The following MIER1 variants were observed in gnomAD, a reference collection of about 807,000 sequenced individuals.
The protein encoded by MIER1 is mesoderm induction early response protein 1.
A neutral mutation model predicts 75.7 loss-of-function variants in MIER1; 40 were observed. That is an observed-to-expected ratio of 0.53 (90% CI 0.41 to 0.69). The LOEUF (loss-of-function observed/expected upper bound fraction) is 0.69, where lower values mean the gene tolerates loss of function less well. MIER1 is among the 30% of genes least tolerant of loss of function. The pLI is 0.00. For synonymous variants in MIER1, 213 were observed against 223.4 expected (o/e 0.95, Z 0.42); for missense variants, 574 against 680.2 (o/e 0.84, Z 1.74).
chr1:66,925,473 C>T (rs1651401534), intron 1 of MIER1: 1 of 985,350 alleles, frequency 1.0e-6, no homozygotes, highest in Admixed American at 6.1e-5. Flanking sequence ...CCTCTTTCTC[C>T]TGTATTTCCC....
chr1:66,943,550 T>C (rs1241249016), intron 3 of MIER1, among the ~76,000 whole-genome samples: 2 of 152,118 alleles, frequency 1.3e-5, no homozygotes, highest in Admixed American at 1.3e-4. Context: ...TTTCGTTTAG[T>C]TTTGTTTCCT....
At chr1:66,939,589 C>G (rs1655692323) in intron 2 of MIER1, among the ~76,000 whole-genome samples, 1 of 152,104 alleles carries the variant, frequency 6.6e-6, no homozygotes, top group South Asian at 2.1e-4. Context: ...GAGATAGTGT[C>G]CTAAATTGTT....
At chr1:66,926,579 C>G (rs1364220615) in intron 2 of MIER1, among the ~76,000 whole-genome samples, 1 of 152,158 alleles carries the variant, frequency 6.6e-6, no homozygotes, top group African/African-American at 2.4e-5. Flanking sequence ...CTGATTGTCA[C>G]TATAGATGTG....
At position 66,986,241 on chromosome 1, in the gene MIER1, G is replaced by A; in HGVS notation, c.*1341G>A. The A allele has an allele frequency of 1.5e-6, 2 of 1,342,278 alleles. No individual in the cohort carries two copies. Among genetic ancestry groups the A allele is most frequent in the Admixed American group, 6.7e-5 (2 of 30,062 alleles). The allele number at this position is 1,342,278 out of a possible 1,614,324, so 83.1% of individuals were successfully genotyped here. On this transcript the variant is annotated 3_prime_UTR_variant, in exon 14 of 14. Transcript: ENST00000401041. The stretch of plus-strand genomic sequence containing the variant: ...TAAGATACACAATAATCATTGCTCT[G>A]TGTGATTACAGATAGGATTATCCAT...
intron 4 of MIER1, among the ~76,000 whole-genome samples, chr1:66,954,975 C>A (rs2101645628): frequency 6.6e-6 from 1 of 152,270 alleles, no homozygotes; most frequent in South Asian, 2.1e-4. Flanking sequence ...TCCCAAAGTG[C>A]TGGGATTACA....
chr1:66,925,149 G>A, intron 1 of MIER1, 54 bp downstream of exon 1: 2 of 1,537,404 alleles, frequency 1.3e-6, no homozygotes. Context: ...TTTGGGATGA[G>A]GGGCTCCTGA....
At chr1:66,929,131 TC>T (rs1159357676) in intron 2 of MIER1, 4 of 653,758 alleles carry the variant, frequency 6.1e-6, no homozygotes, top group Non-Finnish European at 1.1e-5. Context: ...TTTAATAGCC[TC>T]CCCTATATTG....
intron 5 of MIER1, 131 bp from the exon 6 acceptor site, chr1:66,958,720 G>C (rs1457201963): frequency 1.1e-5 from 7 of 656,016 alleles, no homozygotes; most frequent in Non-Finnish European, 1.5e-5. Context: ...AACCAACCCA[G>C]AGGATGATAC....
chr1:66,946,777 A>G (rs563657616), intron 4 of MIER1: 1 of 985,376 alleles, frequency 1.0e-6, no homozygotes, highest in Admixed American at 6.1e-5. Flanking sequence ...TCCTTGTTAC[A>G]TCCATTTTTA....
In MIER1 at chr1:66,946,217, T is replaced by C; in HGVS notation, c.261T>C (p.Asp87=). ...PSADMLVHDF[D]DERTLEEEEM... ...CTGACATGCTGGTTCATGATTTTGA[T>C]GATGAACGAACATTAGAAGAGGAAG... Residue 87 remains aspartate, a synonymous_variant, in exon 4 of 14, where the codon GAT becomes GAC. Coordinates refer to ENST00000401041, the MANE Select transcript of MIER1 (RefSeq NM_001077700.3). 1 of 1,612,290 alleles carries C rather than the reference T, an allele frequency of 6.2e-7. No individual in the cohort carries two copies. Among genetic ancestry groups the C allele is most frequent in the Non-Finnish European group, 8.5e-7 (1 of 1,179,632 alleles).
In MIER1 at chr1:66,926,202, A is replaced by G. The variant is rs769347989; in HGVS notation, c.128A>G (p.Asn43Ser). The G allele has an allele frequency of 1.9e-6, 3 of 1,613,892 alleles. No homozygotes were observed. The highest frequency in any genetic ancestry group is 1.1e-5 in the South Asian group (1 of 91,076). ...GAGTTTCGGACGTGGTTAAGAACCA[A>G]CTGGTTGAGGTTCAATGCAGACAAG... The part of the protein sequence containing the change: ...LAEFRTWLRT[N>S]WLRFNADKTD... The change falls in exon 2 of 14, where the codon AAC becomes AGC. Residue 43 changes from asparagine (N) to serine (S), a missense_variant. Physicochemically the swap from Asn to Ser is conservative, Grantham distance 46 (BLOSUM62 1). Coordinates refer to ENST00000401041, the MANE Select transcript of MIER1 (RefSeq NM_001077700.3).
At chr1:66,937,499 C>T (rs1327455078) in intron 2 of MIER1, among the ~76,000 whole-genome samples, 1 of 151,950 alleles carries the variant, frequency 6.6e-6, no homozygotes, top group African/African-American at 2.4e-5. Context: ...GCAGGAGAAT[C>T]GATTGAATCT....
At chr1:66,983,301 G>A (rs192762219) in intron 13 of MIER1, among the ~76,000 whole-genome samples, 236 of 152,158 alleles carry the variant, frequency 1.6e-3, no homozygotes, top group African/African-American at 5.3e-3. Context: ...CTACAGAATT[G>A]TTCTCTTCAA....
At chr1:66,982,727 AC>A (rs1246120746) in intron 13 of MIER1, among the ~76,000 whole-genome samples, 2 of 152,162 alleles carry the variant, frequency 1.3e-5, no homozygotes, top group Non-Finnish European at 2.9e-5. Context: ...TCCTCTTCTG[AC>A]CTTTGGTCTC....
intron 12 of MIER1, among the ~76,000 whole-genome samples, chr1:66,978,520 T>G (rs1201366943): frequency 6.6e-6 from 1 of 152,200 alleles, no homozygotes; most frequent in Non-Finnish European, 1.5e-5. Flanking sequence ...TAGTTAATTT[T>G]TTTTCCATTG....
At chr1:66,951,461 C>T (rs1570284990) in intron 4 of MIER1, among the ~76,000 whole-genome samples, 1 of 152,118 alleles carries the variant, frequency 6.6e-6, no homozygotes, top group Non-Finnish European at 1.5e-5. Context: ...ATTTCTCCCA[C>T]CTTCAGCCAG....
At chr1:66,946,420 G>A (rs780231334) in intron 4 of MIER1, 125 bp downstream of exon 4, 217 of 1,395,234 alleles carry the variant, frequency 1.6e-4, no homozygotes, top group Non-Finnish European at 1.9e-4. Context: ...GAAAAATTTT[G>A]TGTGATCATA....
rs192266293 is a variant in MIER1, at chr1:66,966,261, C to A, written c.772+3101C>A. On this transcript the variant is annotated intron_variant, in intron 8 of 13. Transcript: ENST00000401041. ...CCAAGTGTTCTCATTGTTCACTTCC[C>A]ACCTATGAGTGAGAACATGCAGTGT... Among the ~76,000 whole-genome samples, 1,007 of 152,178 alleles carry A rather than the reference C, an allele frequency of 6.6e-3. 9 individuals carry two copies. Among genetic ancestry groups the A allele is most frequent in the South Asian group, 0.026 (125 of 4,826 alleles).
chr1:66,965,381 T>A (rs559358713), intron 8 of MIER1, among the ~76,000 whole-genome samples: 13 of 151,932 alleles, frequency 8.6e-5, no homozygotes, highest in African/African-American at 3.1e-4. Flanking sequence ...TATTTTATAT[T>A]TTAGTATTTA....
Sources: allele counts gnomAD v4.1 joint callset (sites outside exome capture counted in the v4.1 genomes callset), GRCh38; gene constraint gnomAD v4.1.1; transcripts MANE v1.5; gene names NCBI Gene and HGNC (gene_info 2026-07-23, HGNC 2026-07-21).